The following ARHGAP10 variants were observed in gnomAD, a reference collection of about 807,000 sequenced individuals.
The protein encoded by ARHGAP10 is Rho GTPase activating protein 10, also known as rho GTPase-activating protein 10.
A neutral mutation model predicts 108.6 loss-of-function variants in ARHGAP10; 87 were observed. That is an observed-to-expected ratio of 0.80 (90% CI 0.67 to 0.96). ARHGAP10 has a LOEUF of 0.96. ARHGAP10 is among the 40% of genes least tolerant of loss of function. The probability of loss-of-function intolerance (pLI) is 0.00; values close to 1 mark genes in which losing one functional copy is unlikely to be tolerated. For missense variants in ARHGAP10, 939 were observed against 954.5 expected (o/e 0.98, Z 0.21); for synonymous variants, 347 against 341.1 (o/e 1.02, Z -0.19).
chr4:147,756,146 GAAAAA>G (rs1481553326), intron 1 of ARHGAP10, among the ~76,000 whole-genome samples: 1 of 141,746 alleles, frequency 7.1e-6, no homozygotes, highest in African/African-American at 2.7e-5. Context: ...AAAAAAAAAA[GAAAAA>G]AAAGAAAGGG....
At chr4:148,024,879 G>A (rs1213156267) in intron 19 of ARHGAP10, among the ~76,000 whole-genome samples, 4 of 152,202 alleles carry the variant, frequency 2.6e-5, no homozygotes, top group Non-Finnish European at 4.4e-5. Context: ...ATGTTGGAAA[G>A]TAGGAAAGGA....
chr4:148,001,675 A>G (rs558670703), intron 18 of ARHGAP10, among the ~76,000 whole-genome samples: 1 of 151,742 alleles, frequency 6.6e-6, no homozygotes, highest in South Asian at 2.1e-4. Flanking sequence ...CTTTGAAGCA[A>G]TTGTGAATGG....
intron 1 of ARHGAP10, among the ~76,000 whole-genome samples, chr4:147,780,377 C>T (rs1251063367): frequency 6.6e-6 from 1 of 152,076 alleles, no homozygotes; most frequent in African/African-American, 2.4e-5. Context: ...GGTCACATTA[C>T]TGGGAGTGAC....
intron 18 of ARHGAP10, among the ~76,000 whole-genome samples, chr4:148,013,404 T>G (rs1163467324): frequency 6.6e-6 from 1 of 152,172 alleles, no homozygotes; most frequent in Non-Finnish European, 1.5e-5. Flanking sequence ...CATGGCTTAT[T>G]TTTTCTTTCT....
rs541152813 is a variant in ARHGAP10 at position 147,824,552 on chromosome 4, C to T, written c.312+1595C>T. ...TTATAAAGGAAAGAGGTTTAATTGA[C>T]TCACAGTTCCGCATTGCTGGGGAGG... On this transcript the variant is annotated intron_variant, in intron 3 of 22. Coordinates refer to ENST00000336498, the MANE Select transcript of ARHGAP10 (RefSeq NM_024605.4). 1.5e-3 allele frequency among the ~76,000 whole-genome samples: 232 copies of T among 152,260 alleles called. 1 individual carries two copies. The highest frequency in any genetic ancestry group is 5.2e-3 in the African/African-American group (215 of 41,556).
Position 147,854,934 on chromosome 4 carries a change from C to T in ARHGAP10, c.385-2619C>T, listed in dbSNP as rs144322998. 175 of 935,348 alleles carry T rather than the reference C, an allele frequency of 1.9e-4. No individual in the cohort carries two copies. The African/African-American group carries it at 2.6e-3, about 14-fold the overall frequency. 57.9% of individuals were successfully genotyped at this position (935,348 alleles called of 1,614,324 possible). On this transcript the variant is annotated intron_variant, in intron 4 of 22. Coordinates refer to ENST00000336498, the MANE Select transcript of ARHGAP10 (RefSeq NM_024605.4). The stretch of plus-strand genomic sequence containing the variant: ...TTTTTCTTTCATTCCCAACTTTACC[C>T]ACATGTTGATTTTCATAGCCTTCTA...
rs990528016 is a variant in ARHGAP10 at position 148,072,013 on chromosome 4, G to C, written c.2293G>C (p.Gly765Arg). ...FEDVQTSREPGWLEGTLNGKR... is the reference protein window; with the variant it reads ...FEDVQTSREPRWLEGTLNGKR... ...TTCAGTACAAACCTCCAGGGAACCT[G>C]GCTGGCTAGAAGGGACTCTGAACGG... The change falls in exon 23 of 23, where the codon GGC (glycine) becomes CGC (arginine). Residue 765 changes from glycine to arginine, a missense_variant. Transcript: ENST00000336498. The C allele has an allele frequency of 1.9e-6, 3 of 1,613,518 alleles. No homozygotes were observed.
intron 10 of ARHGAP10, among the ~76,000 whole-genome samples, chr4:147,882,709 T>C (rs572283403): frequency 7.2e-5 from 11 of 152,310 alleles, no homozygotes; most frequent in African/African-American, 2.6e-4. Flanking sequence ...TTTTTCCTTA[T>C]TGCATGACTT....
At chr4:147,997,828 A>G (rs1335252860) in intron 18 of ARHGAP10, among the ~76,000 whole-genome samples, 7 of 152,228 alleles carry the variant, frequency 4.6e-5, no homozygotes. Context: ...TCTCATCCAT[A>G]ATAGTTCTCA....
At chr4:147,752,021 G>A (rs1031076531) in intron 1 of ARHGAP10, among the ~76,000 whole-genome samples, 1 of 151,810 alleles carries the variant, frequency 6.6e-6, no homozygotes, top group African/African-American at 2.4e-5. Flanking sequence ...GAGTAGCTAG[G>A]ACTATAGGCG....
At chr4:147,919,671 C>T (rs1470676918) in intron 13 of ARHGAP10, among the ~76,000 whole-genome samples, 3 of 152,080 alleles carry the variant, frequency 2.0e-5, no homozygotes, top group South Asian at 2.1e-4. Flanking sequence ...CTCCGCCTCC[C>T]GGGTTCAAGT....
chr4:148,026,055 G>A (rs1457113314), intron 19 of ARHGAP10, among the ~76,000 whole-genome samples: 1 of 152,158 alleles, frequency 6.6e-6, no homozygotes, highest in Non-Finnish European at 1.5e-5. Context: ...TTATAAGTTA[G>A]GTGTAGACTA....
rs200858620 is a variant in ARHGAP10, at chr4:148,060,344, A to G, written c.2028-2804A>G. ...TGGTTACATAACGAAGCTCATGTTT[A>G]GTTTTTTTTTTTTTTTTTTTTTGGC... On this transcript the variant is annotated intron_variant, in intron 20 of 22. Transcript: ENST00000336498. Among the ~76,000 whole-genome samples the G allele has an allele frequency of 3.3e-5, 4 of 120,834 alleles. No individual in the cohort carries two copies. The Admixed American group carries it at 3.4e-4, about 10-fold the overall frequency. The allele number at this position is 120,834 out of a possible 152,430, so 79.3% of individuals were successfully genotyped here.
intron 14 of ARHGAP10, among the ~76,000 whole-genome samples, chr4:147,941,424 A>G (rs1738160470): frequency 6.6e-6 from 1 of 152,204 alleles, no homozygotes; most frequent in South Asian, 2.1e-4. Context: ...GCCAGTCCTT[A>G]ACTTACAAGG....
chr4:147,981,269 T>G (rs1366605592), intron 18 of ARHGAP10, among the ~76,000 whole-genome samples: 3 of 152,230 alleles, frequency 2.0e-5, no homozygotes, highest in African/African-American at 7.2e-5. Flanking sequence ...TACTTTTGTT[T>G]GTTTCAAAGA....
chr4:148,023,120 C>A, intron 18 of ARHGAP10, 143 bp from the exon 19 acceptor site: 1 of 786,052 alleles, frequency 1.3e-6, no homozygotes, highest in Non-Finnish European at 1.9e-6. Flanking sequence ...ATGACCTCTT[C>A]CCTTCATTGG....
At chr4:147,736,836 C>G (rs1299049288) in intron 1 of ARHGAP10, among the ~76,000 whole-genome samples, 2 of 152,158 alleles carry the variant, frequency 1.3e-5, no homozygotes, top group African/African-American at 4.8e-5. Flanking sequence ...GAGGTTGTAT[C>G]CCAGTTCTGA....
At chr4:147,772,992 T>G (rs1730137266) in intron 1 of ARHGAP10, among the ~76,000 whole-genome samples, 1 of 152,164 alleles carries the variant, frequency 6.6e-6, no homozygotes. Flanking sequence ...AGGAAAGATT[T>G]TGACGGAACT....
chr4:147,865,569 T>G (rs1213154999), intron 6 of ARHGAP10: 2 of 145,950 alleles, frequency 1.4e-5, no homozygotes, highest in African/African-American at 2.7e-5. Flanking sequence ...ATATTTCATG[T>G]GGATTTCAGC....
Sources: allele counts gnomAD v4.1 joint callset (sites outside exome capture counted in the v4.1 genomes callset), GRCh38; gene constraint gnomAD v4.1.1; transcripts MANE v1.5; gene names NCBI Gene and HGNC (gene_info 2026-07-23, HGNC 2026-07-21).